The following SORBS2 variants were observed in gnomAD, a reference collection of about 807,000 sequenced individuals.
The protein encoded by SORBS2 is sorbin and SH3 domain-containing protein 2.
In SORBS2, 46 loss-of-function variants were observed where a neutral mutation model predicts 97.7. That is an observed-to-expected ratio of 0.47 (90% CI 0.37 to 0.60). The LOEUF (loss-of-function observed/expected upper bound fraction) is 0.60. Among genes scored for constraint, SORBS2 ranks in the 20% least tolerant of loss-of-function variants. The probability of loss-of-function intolerance (pLI) is 0.00; values close to 1 mark genes in which losing one functional copy is unlikely to be tolerated. For synonymous variants in SORBS2, 476 were observed against 473.4 expected (o/e 1.01, Z -0.07); for missense variants, 1,316 against 1,282.3 (o/e 1.03, Z -0.40).
At chr4:185,695,419 T>C (rs116361013) in intron 2 of SORBS2, among the ~76,000 whole-genome samples, 1,635 of 152,278 alleles carry the variant, frequency 0.011, 32 homozygotes, top group African/African-American at 0.037. Context: ...TACTGTTATT[T>C]TGAAATTAAC....
intron 13 of SORBS2, 108 bp downstream of exon 25, chr4:185,593,778 T>C (rs2096016479): frequency 4.0e-6 from 3 of 744,678 alleles, no homozygotes; most frequent in East Asian, 5.1e-5. Context: ...AGGCCTCATG[T>C]TAGTTTGATC....
exon 15 of SORBS2, chr4:185,586,874 T>C (rs2095806632): frequency 6.5e-6 from 1 of 152,682 alleles, no homozygotes; most frequent in Admixed American, 6.5e-5. Flanking sequence ...TTTTCCCCTG[T>C]AGCCTAGCTC....
chr4:185,694,678 T>TTTTTTC (rs902480284), intron 2 of SORBS2, among the ~76,000 whole-genome samples: 1 of 147,268 alleles, frequency 6.8e-6, no homozygotes, highest in African/African-American at 2.5e-5. Context: ...TGAATTTCTT[T>TTTTTTC]TTTTTCTTTT....
intron 2 of SORBS2, among the ~76,000 whole-genome samples, chr4:185,699,046 T>G (rs1234012997): frequency 6.6e-6 from 1 of 152,182 alleles, no homozygotes; most frequent in Non-Finnish European, 1.5e-5. Flanking sequence ...CCTGAGCACC[T>G]GAAATAACAT....
intron 4 of SORBS2, among the ~76,000 whole-genome samples, 172 bp downstream of exon 14, chr4:185,638,705 A>C (rs894292011): frequency 2.4e-5 from 1 of 40,864 alleles, no homozygotes; most frequent in Non-Finnish European, 5.3e-5. Flanking sequence ...AGCTGGGGGG[A>C]GGGGGACAGG....
intron 2 of SORBS2, among the ~76,000 whole-genome samples, chr4:185,698,060 G>T (rs1283473152): frequency 1.3e-5 from 2 of 152,142 alleles, no homozygotes; most frequent in Non-Finnish European, 2.9e-5. Flanking sequence ...CATTTTTAGG[G>T]TTAGACATTT....
At chr4:185,613,944 G>C (rs1045690886) in intron 11 of SORBS2, among the ~76,000 whole-genome samples, 1 of 152,098 alleles carries the variant, frequency 6.6e-6, no homozygotes, top group African/African-American at 2.4e-5. Context: ...CAGGACTGTG[G>C]TATTGCTCTT....
In SORBS2 at chr4:185,955,158, G is replaced by C. The variant is rs531396484; in HGVS notation, c.-338+1038C>G. 1.8e-4 allele frequency among the ~76,000 whole-genome samples: 28 copies of C among 152,152 alleles called. No homozygotes were observed. The South Asian group carries it at 3.7e-3, about 20-fold the overall frequency. On this transcript the variant is annotated intron_variant, in intron 1 of 20. Transcript: ENST00000284776. ...ACATTTCAATGGGCCATGTTTCTTA[G>C]AGATCACTAGGAAATGAAGCAGAGC...
chr4:185,886,579 G>GA (rs375147493), intron 1 of SORBS2, among the ~76,000 whole-genome samples: 125 of 127,856 alleles, frequency 9.8e-4, no homozygotes, highest in Admixed American at 1.4e-3. Context: ...AAAAAGAAAA[G>GA]AAAAAAAAAA....
intron 2 of SORBS2, among the ~76,000 whole-genome samples, chr4:185,688,633 A>G (rs1381253294): frequency 6.6e-6 from 1 of 152,176 alleles, no homozygotes; most frequent in Non-Finnish European, 1.5e-5. Flanking sequence ...TCATCTGTCT[A>G]TCTGTAGATA....
At chr4:185,805,002 A>G (rs1237268902) in intron 1 of SORBS2, among the ~76,000 whole-genome samples, 1 of 152,060 alleles carries the variant, frequency 6.6e-6, no homozygotes, top group East Asian at 1.9e-4. Context: ...TTTCTTTCTT[A>G]TTCTTTTTTA....
chr4:185,713,949 G>T (rs1187365494), intron 2 of SORBS2, among the ~76,000 whole-genome samples: 1 of 152,152 alleles, frequency 6.6e-6, no homozygotes, highest in African/African-American at 2.4e-5. Context: ...CAGTGCTGAG[G>T]CAATTCTGTG....
intron 2 of SORBS2, among the ~76,000 whole-genome samples, chr4:185,695,210 A>T (rs2098159594): frequency 1.3e-5 from 2 of 152,126 alleles, no homozygotes; most frequent in South Asian, 4.1e-4. Flanking sequence ...ATTATCAGGC[A>T]TCCCATTCTG....
intron 6 of SORBS2, 69 bp downstream of exon 18, chr4:185,626,763 G>C: frequency 6.8e-7 from 1 of 1,467,822 alleles, no homozygotes; most frequent in Non-Finnish European, 9.5e-7. Context: ...CACTGGGCCA[G>C]CTTTCACACA....
Position 185,743,861 on chromosome 4 carries a change from T to TTCC in SORBS2, c.-198+31363_-198+31365dup, listed in dbSNP as rs753686783. On this transcript the variant is annotated intron_variant, in intron 2 of 20. Transcript: ENST00000284776. ...CCTCCTCCTCCTCCTTCTATTTTCT[T>TTCC]TCCTCCTCCTCCTCCTCTTTCTCCT... Among the ~76,000 whole-genome samples the TTCC allele has an allele frequency of 1.3e-4, 19 of 149,368 alleles. No individual in the cohort carries two copies. The East Asian group carries it at 2.6e-3, about 20-fold the overall frequency.
At chr4:185,633,108 G>C (rs749625671) in intron 4 of SORBS2, among the ~76,000 whole-genome samples, 6 of 152,148 alleles carry the variant, frequency 3.9e-5, no homozygotes, top group Admixed American at 3.3e-4. Context: ...CACTCTTTCT[G>C]TTAAGTAGCT....
At chr4:185,823,958 G>A (rs536549432) in intron 1 of SORBS2, among the ~76,000 whole-genome samples, 2 of 152,264 alleles carry the variant, frequency 1.3e-5, no homozygotes, top group Non-Finnish European at 2.9e-5. Flanking sequence ...AGCTGATACC[G>A]TATCTTAGGG....
chr4:185,677,125 A>G, intron 4 of SORBS2: 1 of 1,551,634 alleles, frequency 6.4e-7, no homozygotes, highest in South Asian at 1.2e-5. Flanking sequence ...TCCTGTCCTG[A>G]AAGGGGAGCT....
intron 1 of SORBS2, among the ~76,000 whole-genome samples, chr4:185,816,652 G>C (rs895547347): frequency 1.3e-5 from 2 of 152,096 alleles, no homozygotes; most frequent in Non-Finnish European, 2.9e-5. Context: ...AATCAAATGC[G>C]TTCATATCCC....
Sources: allele counts gnomAD v4.1 joint callset (sites outside exome capture counted in the v4.1 genomes callset), GRCh38; gene constraint gnomAD v4.1.1; transcripts MANE v1.5; gene names NCBI Gene and HGNC (gene_info 2026-07-23, HGNC 2026-07-21).